CPNE4: variants seen among roughly 807,000 people sequenced by gnomAD.
The protein encoded by CPNE4 is copine-4.
A neutral mutation model predicts 67.9 loss-of-function variants in CPNE4; 25 were observed. That is an observed-to-expected ratio of 0.37 (90% confidence interval 0.27 to 0.51). The LOEUF (loss-of-function observed/expected upper bound fraction) is 0.51, where lower values mean the gene tolerates loss of function less well. Among genes scored for constraint, CPNE4 ranks in the 20% least tolerant of loss-of-function variants. The pLI is 0.93. For synonymous variants in CPNE4, 242 were observed against 244.9 expected, an observed-to-expected ratio of 0.99 and a Z score of 0.11; for missense variants, 464 against 690.8, an observed-to-expected ratio of 0.67 and a Z score of 3.68.
At chr3:131,787,456 T>A (rs1260136102) in intron 2 of CPNE4, among the ~76,000 whole-genome samples, 1 of 152,068 alleles carries the variant, frequency 6.6e-6, no homozygotes, top group Non-Finnish European at 1.5e-5. Flanking sequence ...TGACAAGGCT[T>A]TTTATATCCC....
chr3:131,955,887 T>TTA (rs1334778615), intron 1 of CPNE4, among the ~76,000 whole-genome samples: 15 of 152,262 alleles, frequency 9.9e-5, no homozygotes, highest in African/African-American at 3.4e-4. Context: ...AGTGTCAACA[T>TTA]TATAATCTGT....
intron 3 of CPNE4, among the ~76,000 whole-genome samples, chr3:131,707,416 C>T (rs1007286482): frequency 1.3e-5 from 2 of 152,178 alleles, no homozygotes; most frequent in African/African-American, 4.8e-5. Context: ...CCAGGATGAC[C>T]TTCTCGTCTT....
intron 1 of CPNE4, among the ~76,000 whole-genome samples, chr3:131,983,413 G>A (rs1458459242): frequency 1.3e-5 from 2 of 151,966 alleles, no homozygotes; most frequent in Admixed American, 6.6e-5. Flanking sequence ...TCCTTGCTAC[G>A]ACGTGGAGCT....
chr3:131,952,617 T>TG lies in CPNE4; in HGVS notation c.-1-47174dup, dbSNP rs1201048536. Among the ~76,000 whole-genome samples the TG allele has an allele frequency of 5.4e-5, 6 of 110,216 alleles. No homozygotes were observed. The South Asian group carries it at 1.7e-3, about 31-fold the overall frequency. 72.3% of individuals were successfully genotyped at this position (110,216 alleles called of 152,430 possible). A position where few individuals can be genotyped will look rare whatever the true frequency, so the allele number is the denominator to read the frequency against. The stretch of plus-strand genomic sequence containing the variant: ...GCCAGCCGCCCCGTCCGGAGGGAGG[T>TG]GGGGGGGTCAGCCCCCCTCCCGGCC... On this transcript the variant is annotated intron_variant, in intron 1 of 15. Coordinates refer to ENST00000429747, the MANE Select transcript of CPNE4 (RefSeq NM_130808.3).
At chr3:131,780,168 A>C (rs1057499756) in intron 2 of CPNE4, among the ~76,000 whole-genome samples, 2 of 152,182 alleles carry the variant, frequency 1.3e-5, no homozygotes, top group African/African-American at 4.8e-5. Flanking sequence ...ATTATTAAAA[A>C]GTCAAAAAAT....
At chr3:131,756,980 C>T (rs1163135100) in intron 2 of CPNE4, among the ~76,000 whole-genome samples, 1 of 152,160 alleles carries the variant, frequency 6.6e-6, no homozygotes, top group Non-Finnish European at 1.5e-5. Context: ...GTGCCTTTTG[C>T]CTCCTGCCAT....
At chr3:131,807,805 T>A (rs1313452514) in intron 2 of CPNE4, among the ~76,000 whole-genome samples, 1 of 152,236 alleles carries the variant, frequency 6.6e-6, no homozygotes, top group South Asian at 2.1e-4. Flanking sequence ...GCAAAAGAAA[T>A]AGTAGAAAAT....
chr3:131,900,548 A>G (rs2088515060), intron 2 of CPNE4, among the ~76,000 whole-genome samples: 1 of 152,070 alleles, frequency 6.6e-6, no homozygotes, highest in East Asian at 1.9e-4. Context: ...CCTCTTTCTC[A>G]AGGTCACACG....
chr3:131,773,508 C>T lies in CPNE4; in HGVS notation c.181-49883G>A, dbSNP rs192097325. Among the ~76,000 whole-genome samples the T allele has an allele frequency of 6.5e-4, 99 of 151,978 alleles. 1 individual carries two copies. The East Asian group carries it at 0.017, about 27-fold the overall frequency. ...GACCACAGGTGTGTGCCACCATGCC[C>T]GGCTAATTTTTGTATTTTTAGTACA... On this transcript the variant is annotated intron_variant, in intron 2 of 15. Coordinates refer to ENST00000429747, the MANE Select transcript of CPNE4 (RefSeq NM_130808.3).
intron 5 of CPNE4, among the ~76,000 whole-genome samples, chr3:131,689,225 C>G (rs371337056): frequency 6.6e-6 from 1 of 152,152 alleles, no homozygotes; most frequent in African/African-American, 2.4e-5. Flanking sequence ...GGAGTATCAA[C>G]CTTTGCCTCA....
At chr3:131,742,878 G>C (rs552413857) in intron 2 of CPNE4, among the ~76,000 whole-genome samples, 1 of 152,166 alleles carries the variant, frequency 6.6e-6, no homozygotes, top group African/African-American at 2.4e-5. Flanking sequence ...TTTGGGAAAA[G>C]TATAGCCTTA....
At chr3:131,565,813 G>A (rs1195917604) in intron 10 of CPNE4, among the ~76,000 whole-genome samples, 1 of 126,406 alleles carries the variant, frequency 7.9e-6, no homozygotes, top group East Asian at 2.1e-4. Flanking sequence ...AGTACTAAGA[G>A]TATGTAAAAA....
chr3:131,614,060 C>T (rs1940002402), intron 7 of CPNE4, among the ~76,000 whole-genome samples: 1 of 152,144 alleles, frequency 6.6e-6, no homozygotes, highest in Non-Finnish European at 1.5e-5. Flanking sequence ...CACCTTTAGG[C>T]AAATGAGTTG....
intron 7 of CPNE4, among the ~76,000 whole-genome samples, chr3:131,597,197 A>C (rs1000617889): frequency 2.0e-5 from 3 of 152,134 alleles, no homozygotes; most frequent in African/African-American, 7.2e-5. Context: ...GCTGTTATAG[A>C]ATATCCAAGA....
At position 131,774,338 on chromosome 3, in the gene CPNE4, A is replaced by AG. The variant is rs564891986; in HGVS notation, c.181-50714dup. On this transcript the variant is annotated intron_variant, in intron 2 of 15. Coordinates refer to ENST00000429747, the MANE Select transcript of CPNE4 (RefSeq NM_130808.3). ...ATTTTCTACGCTGAAAAAAACGGTA[A>AG]GAAAAAAAAAAAAGGACCTCTTTCT... Among the ~76,000 whole-genome samples the AG allele has an allele frequency of 4.4e-3, 593 of 134,284 alleles. 6 individuals carry two copies. Among genetic ancestry groups the AG allele is most frequent in the African/African-American group, 0.015 (562 of 37,192 alleles). 88.1% of individuals were successfully genotyped at this position (134,284 alleles called of 152,430 possible). A position where few individuals can be genotyped will look rare whatever the true frequency, so the allele number is the denominator to read the frequency against.
chr3:131,548,914 A>G (rs1009914158), intron 14 of CPNE4, among the ~76,000 whole-genome samples: 5 of 152,194 alleles, frequency 3.3e-5, no homozygotes, highest in African/African-American at 4.8e-5. Context: ...AGTGGGAAAA[A>G]GTTAAGGACA....
At chr3:131,835,650 C>T (rs752144481) in intron 2 of CPNE4, among the ~76,000 whole-genome samples, 111 of 152,278 alleles carry the variant, frequency 7.3e-4, no homozygotes, top group Non-Finnish European at 1.2e-3. Flanking sequence ...GGACGCAGTT[C>T]CCTTCTCACT....
At chr3:131,683,421 C>T (rs776991353) in intron 6 of CPNE4, among the ~76,000 whole-genome samples, 2 of 152,222 alleles carry the variant, frequency 1.3e-5, no homozygotes, top group Admixed American at 6.5e-5. Context: ...AATGTCGTCT[C>T]GGAGCTACGG....
intron 10 of CPNE4, among the ~76,000 whole-genome samples, chr3:131,566,776 T>A (rs552423467): frequency 5.9e-5 from 9 of 152,014 alleles, no homozygotes; most frequent in African/African-American, 2.2e-4. Flanking sequence ...CTTGCACAGG[T>A]GTACATAGTG....
Sources: gnomAD v4.1 joint callset for allele counts (sites outside exome capture counted in the v4.1 genomes callset) on GRCh38, gnomAD v4.1.1 for gene constraint, MANE v1.5 for transcripts, NCBI Gene and HGNC (gene_info 2026-07-23, HGNC 2026-07-21) for gene names.